The following NRG4 variants were observed in gnomAD, a reference collection of about 807,000 sequenced individuals.
The protein encoded by NRG4 is pro-neuregulin-4, membrane-bound isoform.
In NRG4, 10 loss-of-function variants were observed where a neutral mutation model predicts 15.0. The observed-to-expected ratio is 0.67, with a 90% CI of 0.41 to 1.13. The LOEUF (loss-of-function observed/expected upper bound fraction) is 1.13. Among genes scored for constraint, NRG4 ranks in the 50% most tolerant of loss-of-function variants. The pLI, the probability that NRG4 is intolerant of heterozygous loss-of-function variation, is 0.00. For missense variants in NRG4, 139 were observed against 140.2 expected (o/e 0.99, Z 0.04); for synonymous variants, 41 against 50.1 (o/e 0.82, Z 0.77).
At chr15:76,008,671 T>C (rs1037259631) in intron 3 of NRG4, among the ~76,000 whole-genome samples, 10 of 152,186 alleles carry the variant, frequency 6.6e-5, no homozygotes, top group Non-Finnish European at 1.2e-4. Context: ...CACAGTGAAT[T>C]ATATTATTTT....
chr15:76,021,122 CCAT>C (rs757532871), intron 5 of NRG4, among the ~76,000 whole-genome samples: 4 of 152,208 alleles, frequency 2.6e-5, no homozygotes, highest in Non-Finnish European at 4.4e-5. Flanking sequence ...CAACACTCAT[CCAT>C]CATTCTGAAA....
intron 4 of NRG4, among the ~76,000 whole-genome samples, chr15:76,049,522 A>G (rs932287260): frequency 3.3e-5 from 5 of 150,378 alleles, no homozygotes; most frequent in African/African-American, 1.0e-4. Flanking sequence ...TTCATCAACA[A>G]TATCTACTGG....
At chr15:76,017,155 CTTTTTTTTTTTTTTT>C (rs66838505), upstream of NRG4, among the ~76,000 whole-genome samples, 1 of 52,298 alleles carries the variant, frequency 1.9e-5, no homozygotes, top group Non-Finnish European at 4.0e-5. Flanking sequence ...CAACCCCTGC[CTTTTTTTTTTTTTTT>C]TTTTTTTGCT....
intron 4 of NRG4, among the ~76,000 whole-genome samples, chr15:76,045,288 A>T (rs1156993450): frequency 6.6e-6 from 1 of 151,166 alleles, no homozygotes. Flanking sequence ...GACAGACATT[A>T]ATAAATGCTG....
At chr15:76,019,202 A>G (rs1042043282) in intron 5 of NRG4, among the ~76,000 whole-genome samples, 17 of 152,152 alleles carry the variant, frequency 1.1e-4, no homozygotes, top group African/African-American at 4.1e-4. Flanking sequence ...CAAGCATCCC[A>G]GGTCGACTTC....
chr15:76,043,260 A>G (rs2035789589), intron 4 of NRG4, among the ~76,000 whole-genome samples: 1 of 152,212 alleles, frequency 6.6e-6, no homozygotes, highest in Admixed American at 6.5e-5. Flanking sequence ...GCCCACTTTC[A>G]CCACTGTTAT....
intron 2 of NRG4, among the ~76,000 whole-genome samples, chr15:76,053,768 C>A (rs1471282247): frequency 6.6e-6 from 1 of 150,886 alleles, no homozygotes; most frequent in African/African-American, 2.5e-5. Context: ...GTTGGCCAGG[C>A]TGGTCTCAAA....
At chr15:76,050,244 A>G (rs1292989833) in intron 4 of NRG4, among the ~76,000 whole-genome samples, 2 of 150,912 alleles carry the variant, frequency 1.3e-5, no homozygotes, top group African/African-American at 2.5e-5. Flanking sequence ...AAGATCTTCT[A>G]GAAAGAGGAT....
At chr15:76,026,285 A>T (rs974821244) in intron 5 of NRG4, among the ~76,000 whole-genome samples, 1 of 152,178 alleles carries the variant, frequency 6.6e-6, no homozygotes, top group African/African-American at 2.4e-5. Flanking sequence ...GAATTCTAAA[A>T]CTGCAAGAGA....
chr15:76,055,036 T>C (rs2036120712), intron 2 of NRG4, among the ~76,000 whole-genome samples: 1 of 44,778 alleles, frequency 2.2e-5, no homozygotes, highest in South Asian at 1.7e-3. Context: ...TCCCAGCACT[T>C]TGGGAGGCTG....
intron 3 of NRG4, among the ~76,000 whole-genome samples, chr15:75,988,853 CTTTTTTTTTTT>C (rs71444946): frequency 9.1e-6 from 1 of 109,652 alleles, no homozygotes; most frequent in East Asian, 2.5e-4. Context: ...CTGCACCTTC[CTTTTTTTTTTT>C]TTTTTTTTTT....
At chr15:75,946,031 A>G (rs989821888) in intron 5 of NRG4, among the ~76,000 whole-genome samples, 1 of 152,208 alleles carries the variant, frequency 6.6e-6, no homozygotes, top group African/African-American at 2.4e-5. Context: ...TTATTTGAAC[A>G]CAAGCACTGT....
upstream of NRG4, among the ~76,000 whole-genome samples, chr15:76,016,492 C>G (rs959685235): frequency 1.3e-5 from 2 of 152,204 alleles, no homozygotes; most frequent in Non-Finnish European, 2.9e-5. Flanking sequence ...AAATTTCCCT[C>G]TAAACACTGC....
intron 5 of NRG4, among the ~76,000 whole-genome samples, chr15:76,018,758 T>C (rs910727838): frequency 2.0e-5 from 3 of 152,132 alleles, no homozygotes; most frequent in Non-Finnish European, 2.9e-5. Flanking sequence ...GTATGAGGTG[T>C]CTGTTGACCC....
intron 5 of NRG4, 71 bp from the exon 6 acceptor site, chr15:75,943,725 A>T: frequency 1.1e-6 from 1 of 945,990 alleles, no homozygotes; most frequent in Non-Finnish European, 1.7e-6. Flanking sequence ...ACCTATCTAC[A>T]TGTCTCTTAT....
intron 5 of NRG4, among the ~76,000 whole-genome samples, chr15:76,028,856 A>ATG (rs1441127414): frequency 7.2e-6 from 1 of 138,588 alleles, no homozygotes; most frequent in African/African-American, 2.7e-5. Context: ...GTGAACTGAG[A>ATG]TGTGCCACTG....
At chr15:75,996,304 G>A (rs953229266) in intron 3 of NRG4, among the ~76,000 whole-genome samples, 5 of 152,120 alleles carry the variant, frequency 3.3e-5, no homozygotes, top group African/African-American at 1.2e-4. Flanking sequence ...CTACACTGAG[G>A]GGAGACCTCA....
chr15:76,048,776 G>A (rs1330496495), intron 4 of NRG4, among the ~76,000 whole-genome samples: 1 of 150,214 alleles, frequency 6.7e-6, no homozygotes. Context: ...CAGGCGTGGT[G>A]GTTCATGCCT....
intron 4 of NRG4, among the ~76,000 whole-genome samples, chr15:76,042,543 A>T (rs1465381594): frequency 1.3e-5 from 2 of 152,122 alleles, no homozygotes; most frequent in African/African-American, 4.8e-5. Context: ...CATGCCAATA[A>T]ATTGAAAAGC....
Sources: allele counts gnomAD v4.1 joint callset (sites outside exome capture counted in the v4.1 genomes callset), GRCh38; gene constraint gnomAD v4.1.1; transcripts MANE v1.5; gene names NCBI Gene and HGNC (gene_info 2026-07-23, HGNC 2026-07-21).